SAMTOR: variants seen among roughly 807,000 people sequenced by gnomAD.
SAMTOR encodes S-adenosylmethionine sensor upstream of mTORC1.
chr7:112,890,368 C>T, the SAMTOR span, among the ~76,000 whole-genome samples: 1,642 of 152,022 alleles, frequency 0.011, 31 homozygotes, highest in African/African-American at 0.037. Context: ...AACAACCCCC[C>T]CCACCTCTGA....
chr7:112,915,151 C>G, the SAMTOR span, among the ~76,000 whole-genome samples: 4 of 151,720 alleles, frequency 2.6e-5, no homozygotes, highest in African/African-American at 9.7e-5. Context: ...GGCAGAAGAA[C>G]TGATTGAACC....
chr7:112,845,754 A>G, the SAMTOR span, among the ~76,000 whole-genome samples: 5 of 152,216 alleles, frequency 3.3e-5, no homozygotes, highest in Non-Finnish European at 4.4e-5. Flanking sequence ...AAGGAATACA[A>G]ATCATTTTAC....
At chr7:112,879,861 A>G in the SAMTOR span, among the ~76,000 whole-genome samples, 1 of 152,180 alleles carries the variant, frequency 6.6e-6, no homozygotes, top group Non-Finnish European at 1.5e-5. Context: ...GTTAAAACTA[A>G]ACAGTGAAGA....
At chr7:112,865,522 C>T in the SAMTOR span, among the ~76,000 whole-genome samples, 3 of 151,698 alleles carry the variant, frequency 2.0e-5, no homozygotes, top group Admixed American at 6.6e-5. Flanking sequence ...GTGATCCGCC[C>T]GCCTAGGCCT....
the SAMTOR span, among the ~76,000 whole-genome samples, chr7:112,889,632 C>T: frequency 6.6e-6 from 1 of 152,184 alleles, no homozygotes; most frequent in Non-Finnish European, 1.5e-5. Flanking sequence ...AAGTTAATCC[C>T]TTCCACGATT....
the SAMTOR span, among the ~76,000 whole-genome samples, chr7:112,889,064 T>C: frequency 6.6e-6 from 1 of 152,190 alleles, no homozygotes; most frequent in South Asian, 2.1e-4. Flanking sequence ...GCCTCTTTTG[T>C]TTAAATAACA....
At chr7:112,922,736 G>C in the SAMTOR span, among the ~76,000 whole-genome samples, 12 of 151,964 alleles carry the variant, frequency 7.9e-5, no homozygotes, top group Non-Finnish European at 1.6e-4. Flanking sequence ...CCCTGTCTGA[G>C]AAGTGAGGAG....
At chr7:112,919,189 T>C in the SAMTOR span, among the ~76,000 whole-genome samples, 2 of 152,278 alleles carry the variant, frequency 1.3e-5, no homozygotes, top group South Asian at 4.2e-4. Flanking sequence ...ATTGACCACA[T>C]ACTTGGAAGT....
the SAMTOR span, among the ~76,000 whole-genome samples, chr7:112,919,526 A>C: frequency 1.3e-5 from 2 of 152,176 alleles, no homozygotes; most frequent in Admixed American, 6.5e-5. Flanking sequence ...CCCTAACATC[A>C]CAATTAAAAG....
the SAMTOR span, among the ~76,000 whole-genome samples, chr7:112,922,900 CCG>C: frequency 7.0e-6 from 1 of 142,182 alleles, no homozygotes; most frequent in African/African-American, 2.6e-5. Context: ...CCCCCCCCCC[CCG>C]GGCCAGCCGC....
At chr7:112,830,405 TAA>T in the SAMTOR span, among the ~76,000 whole-genome samples, 38 of 152,290 alleles carry the variant, frequency 2.5e-4, no homozygotes, top group African/African-American at 8.9e-4. Context: ...TTCTACTACT[TAA>T]GTTATGTATA....
chr7:112,890,897 C>T, the SAMTOR span, among the ~76,000 whole-genome samples: 6 of 152,084 alleles, frequency 3.9e-5, no homozygotes, highest in Non-Finnish European at 7.4e-5. Flanking sequence ...GTCATGTTGT[C>T]CAGGCTGGTC....
chr7:112,875,580 T>C, the SAMTOR span, among the ~76,000 whole-genome samples: 11 of 152,176 alleles, frequency 7.2e-5, no homozygotes, highest in African/African-American at 2.7e-4. Context: ...TAGGTAGAAC[T>C]GATCTGAATT....
At chr7:112,902,725 T>C in the SAMTOR span, among the ~76,000 whole-genome samples, 5 of 152,082 alleles carry the variant, frequency 3.3e-5, no homozygotes, top group Admixed American at 3.3e-4. Context: ...TATGCATGTT[T>C]GGGATGGAGT....
At chr7:112,911,008 C>A in the SAMTOR span, among the ~76,000 whole-genome samples, 1 of 152,086 alleles carries the variant, frequency 6.6e-6, no homozygotes, top group Non-Finnish European at 1.5e-5. Context: ...ATCACAGGCA[C>A]TGGGGAATTT....
At chr7:112,844,693 T>C in the SAMTOR span, among the ~76,000 whole-genome samples, 1 of 152,174 alleles carries the variant, frequency 6.6e-6, no homozygotes, top group African/African-American at 2.4e-5. Context: ...ACAGAGTCAA[T>C]GCTATACCTA....
At chr7:112,887,645 T>C in the SAMTOR span, among the ~76,000 whole-genome samples, 2 of 152,250 alleles carry the variant, frequency 1.3e-5, no homozygotes, top group Non-Finnish European at 2.9e-5. Flanking sequence ...TTCCATATTA[T>C]CTATATCTCC....
the SAMTOR span, chr7:112,915,323 A>G: frequency 1.5e-4 from 249 of 1,612,234 alleles, no homozygotes; most frequent in Non-Finnish European, 2.0e-4. Flanking sequence ...ACCATTCAAT[A>G]CGACCTTCGC....
chr7:112,826,383 G>T, the SAMTOR span, among the ~76,000 whole-genome samples: 1 of 152,076 alleles, frequency 6.6e-6, no homozygotes. Flanking sequence ...GTTTCTTCAT[G>T]AATAAGCTTT....
Sources: gnomAD v4.1 joint callset for allele counts (sites outside exome capture counted in the v4.1 genomes callset) on GRCh38, gnomAD v4.1.1 for gene constraint, MANE v1.5 for transcripts, NCBI Gene and HGNC (gene_info 2026-07-23, HGNC 2026-07-21) for gene names.